The following SLC44A2 variants were observed in gnomAD, a reference collection of about 807,000 sequenced individuals.
SLC44A2 encodes solute carrier family 44 member 2 (CTL2 blood group), also known as choline transporter-like protein 2.
SLC44A2 carries 57 observed loss-of-function variants against 90.8 expected under a neutral mutation model. The ratio of observed to expected loss-of-function variants is 0.63; its 90% CI spans 0.51 to 0.78. The LOEUF is 0.78. Among genes scored for constraint, SLC44A2 ranks in the 30% least tolerant of loss-of-function variants. The pLI is 0.00. For missense variants in SLC44A2, 794 were observed against 919.7 expected, an observed-to-expected ratio of 0.86 and a Z score of 1.77; for synonymous variants, 355 against 360.7, an observed-to-expected ratio of 0.98 and a Z score of 0.18.
intron 1 of SLC44A2, among the ~76,000 whole-genome samples, chr19:10,613,899 G>A (rs1334044896): frequency 6.6e-6 from 1 of 152,086 alleles, no homozygotes; most frequent in Admixed American, 6.6e-5. Flanking sequence ...TTGTAGCCCA[G>A]TGAGATGCAT....
At chr19:10,602,466 A>AGCCT (rs2144792196), upstream of SLC44A2, 2 of 1,123,276 alleles carry the variant, frequency 1.8e-6, no homozygotes, top group East Asian at 4.4e-5. Context: ...CAGCCCGCGG[A>AGCCT]GCCTCCCGCC....
upstream of SLC44A2, among the ~76,000 whole-genome samples, chr19:10,622,200 CAGG>C (rs1280671503): frequency 6.6e-6 from 1 of 152,140 alleles, no homozygotes; most frequent in Admixed American, 6.6e-5. Context: ...GGGACGTACC[CAGG>C]AGGCCAGTGA....
In SLC44A2 at chr19:10,636,501, C is replaced by A. The variant is rs1223040546; in HGVS notation, c.1412C>A (p.Ala471Asp). Reference sequence around the variant, plus strand: ...CTGGGCCAGGTCACGCTGGCCGGGGCCTTTGCCTCCTACTACTGGGCCCTG... The same window carrying A: ...CTGGGCCAGGTCACGCTGGCCGGGGACTTTGCCTCCTACTACTGGGCCCTG... ...LALGQVTLAG[A>D]FASYYWALRK... The change falls in exon 15 of 22, where the codon GCC (alanine) becomes GAC (aspartate). Residue 471 changes from alanine (A) to aspartate (D), a missense_variant. This residue lies in a region of SLC44A2 where 738 missense variants were observed against 841.1 expected (regional missense o/e 0.88). Transcript: ENST00000335757. 2 of 1,612,472 alleles carry A rather than the reference C, an allele frequency of 1.2e-6. No individual in the cohort carries two copies. Among genetic ancestry groups the A allele is most frequent in the Non-Finnish European group, 1.7e-6 (2 of 1,180,020 alleles).
Position 10,636,534 on chromosome 19 carries a change from CG to C in SLC44A2, c.1447del (p.Asp483ThrfsTer38). ...FASYYWALRK[P>X]DDLPAFPLFS... ...TCCTACTACTGGGCCCTGCGCAAGC[CG>C]GACGACCTGCCGGCCTTCCCGCTCT... On this transcript the variant is annotated frameshift_variant, in exon 15 of 22. Coordinates refer to ENST00000335757, the MANE Select transcript of SLC44A2 (RefSeq NM_020428.4). LOFTEE classifies it high-confidence loss of function. The C allele has an allele frequency of 6.2e-7, 1 of 1,609,466 alleles. No individual in the cohort carries two copies. The highest frequency in any genetic ancestry group is 8.5e-7 in the Non-Finnish European group (1 of 1,179,362).
Position 10,636,487 on chromosome 19 carries a change from C to A in SLC44A2, c.1398C>A (p.Val466=). 1 of 1,613,252 alleles carries A rather than the reference C, an allele frequency of 6.2e-7. No individual in the cohort carries two copies. The highest frequency in any genetic ancestry group is 8.5e-7 in the Non-Finnish European group (1 of 1,180,010). Residue 466 remains valine (V), a synonymous_variant, in exon 15 of 22, where the codon GTC becomes GTA. Transcript: ENST00000335757. Reference sequence around the variant, plus strand: ...ACTTCGTGCTGGCGCTGGGCCAGGTCACGCTGGCCGGGGCCTTTGCCTCCT... The same window carrying A: ...ACTTCGTGCTGGCGCTGGGCCAGGTAACGCTGGCCGGGGCCTTTGCCTCCT... ...LANFVLALGQ[V]TLAGAFASYY...
At chr19:10,629,957 G>A (rs751883232) in intron 4 of SLC44A2, among the ~76,000 whole-genome samples, 1 of 150,252 alleles carries the variant, frequency 6.7e-6, no homozygotes, top group South Asian at 2.1e-4. Context: ...GTTTCGCCAC[G>A]TTGGCCAGGC....
chr19:10,635,262 G>GC lies in SLC44A2; in HGVS notation c.1148+12dup. On this transcript the variant is annotated splice_region_variant and intron_variant, in intron 13 of 21. Transcript: ENST00000335757. ...ACTGGGCCAGCACTGCTGTGTATCTGCCCCCAGACACTGATCTCTGACCCC... is the reference window on the plus strand; with the variant it reads ...ACTGGGCCAGCACTGCTGTGTATCTGCCCCCCAGACACTGATCTCTGACCCC... 6.2e-7 allele frequency: 1 copy of GC among 1,613,838 alleles called. No individual in the cohort carries two copies. The highest frequency in any genetic ancestry group is 8.5e-7 in the Non-Finnish European group (1 of 1,179,950).
intron 1 of SLC44A2, among the ~76,000 whole-genome samples, chr19:10,618,553 C>T (rs1433192155): frequency 7.8e-5 from 10 of 127,886 alleles, no homozygotes; most frequent in East Asian, 2.5e-4. Flanking sequence ...CATCTCGGCT[C>T]ACTGCAAGCT....
At chr19:10,630,702 G>A (rs1459715873) in intron 4 of SLC44A2, among the ~76,000 whole-genome samples, 3 of 149,920 alleles carry the variant, frequency 2.0e-5, no homozygotes, top group African/African-American at 7.4e-5. Context: ...TTTCTATAGG[G>A]TGGTTAAGAA....
rs554302600 is a variant in SLC44A2 at position 10,638,631 on chromosome 19, T to A, written c.1929+316T>A. 1.7e-3 allele frequency among the ~76,000 whole-genome samples: 255 copies of A among 151,750 alleles called. No homozygotes were observed. The Middle Eastern group carries it at 0.027, about 16-fold the overall frequency. ...GCCTAATTTTTGTATATTTATTTTT[T>A]AATTTTAATTTAATTTTTTTTTTGA... On this transcript the variant is annotated intron_variant, in intron 20 of 21. Coordinates refer to ENST00000335757, the MANE Select transcript of SLC44A2 (RefSeq NM_020428.4).
At chr19:10,630,657 T>TC (rs1705859713) in intron 4 of SLC44A2, among the ~76,000 whole-genome samples, 1 of 46,372 alleles carries the variant, frequency 2.2e-5, no homozygotes. Context: ...CAGGACTCCA[T>TC]CTAAAAAAAA....
intron 1 of SLC44A2, 59 bp downstream of exon 1, chr19:10,625,729 C>A: frequency 4.1e-6 from 5 of 1,213,838 alleles, no homozygotes; most frequent in Non-Finnish European, 5.2e-6. Flanking sequence ...CGGAGGGGGC[C>A]TTGAGAGAAC....
At position 10,636,689 on chromosome 19, in the gene SLC44A2, C is replaced by T; in HGVS notation, c.1524C>T (p.Gly508=). Residue 508 remains glycine, a synonymous_variant, in exon 16 of 22, where the codon GGC becomes GGT. Transcript: ENST00000335757. ...ACCACACAGGCTCCCTGGCCTTTGG[C>T]GCGCTCATCCTGGCCATTGTGCAGA... is the stretch of plus-strand genomic sequence containing the variant. The part of the protein sequence containing the change: ...LRYHTGSLAF[G]ALILAIVQII... 3 of 1,613,772 alleles carry T rather than the reference C, an allele frequency of 1.9e-6. No homozygotes were observed. The highest frequency in any genetic ancestry group is 2.5e-6 in the Non-Finnish European group (3 of 1,179,918).
Position 10,638,003 on chromosome 19 carries a change from C to T in SLC44A2, c.1770-20C>T. The T allele has an allele frequency of 6.2e-7, 1 of 1,614,108 alleles. No individual in the cohort carries two copies. Among genetic ancestry groups the T allele is most frequent in the Non-Finnish European group, 8.5e-7 (1 of 1,179,988 alleles). The stretch of plus-strand genomic sequence containing the variant: ...TCCCTGAAGCCAGCATTCACACCTG[C>T]CCCTCACTGTCCCCTGCAGAGTGGC... On this transcript the variant is annotated intron_variant, in intron 18 of 21. Coordinates refer to ENST00000335757, the MANE Select transcript of SLC44A2 (RefSeq NM_020428.4).
intron 1 of SLC44A2, among the ~76,000 whole-genome samples, chr19:10,618,511 G>A (rs1599235168): frequency 8.6e-6 from 1 of 116,016 alleles, no homozygotes; most frequent in Non-Finnish European, 1.7e-5. Flanking sequence ...ACGGAGTCGT[G>A]CTCTGTTGCC....
chr19:10,636,652 C>T lies in SLC44A2; in HGVS notation c.1497-10C>T, dbSNP rs770335667. 1.6e-5 allele frequency: 26 copies of T among 1,611,490 alleles called. No homozygotes were observed. Among genetic ancestry groups the T allele is most frequent in the African/African-American group, 4.0e-5 (3 of 74,712 alleles). On this transcript the variant is annotated splice_polypyrimidine_tract_variant and intron_variant, in intron 15 of 21. Transcript: ENST00000335757. ...CTGGCCCAGCCACCGACCACTCCCTCGGCCCGCAGGTACCACACAGGCTCC... is the reference window on the plus strand; with the variant it reads ...CTGGCCCAGCCACCGACCACTCCCTTGGCCCGCAGGTACCACACAGGCTCC...
chr19:10,635,732 C>A lies in SLC44A2; in HGVS notation c.1233+217C>A. ...GCTTCCTCTCTTCAACTTGACCAGG[C>A]CTTCACCCTGGGTGCTAAATCACCC... On this transcript the variant is annotated intron_variant, in intron 14 of 21. Coordinates refer to ENST00000335757, the MANE Select transcript of SLC44A2 (RefSeq NM_020428.4). The A allele has an allele frequency of 6.0e-6, 3 of 497,140 alleles. No homozygotes were observed. In the South Asian group the frequency reaches 8.3e-5, roughly 14 times the overall value. 30.8% of individuals were successfully genotyped at this position (497,140 alleles called of 1,614,324 possible). A position where few individuals can be genotyped will look rare whatever the true frequency, so the allele number is the denominator to read the frequency against.
rs183820698 is a variant in SLC44A2 at position 10,611,634 on chromosome 19, C to T, written c.31+9073C>T. ...AGGAGTTTGAGACTAGCCTGGGCAA[C>T]ATTGCAAAACCCCTTCTTCCCAAAA... On this transcript the variant is annotated intron_variant, in intron 1 of 21. Coordinates refer to the SLC44A2 transcript ENST00000407327. 2.0e-3 allele frequency among the ~76,000 whole-genome samples: 304 copies of T among 151,950 alleles called. 3 individuals are homozygous for T. Among genetic ancestry groups the T allele is most frequent in the Admixed American group, 0.019 (287 of 15,178 alleles).
intron 21 of SLC44A2, 198 bp from the exon 22 acceptor site, chr19:10,643,081 G>T: frequency 2.7e-6 from 4 of 1,457,764 alleles, no homozygotes; most frequent in South Asian, 1.4e-5. Flanking sequence ...TGCATGAAGC[G>T]GGGGGGTTCC....
Sources: allele counts gnomAD v4.1 joint callset (sites outside exome capture counted in the v4.1 genomes callset), GRCh38; gene constraint gnomAD v4.1.1; regional missense constraint gnomAD v4.1.1; transcripts MANE v1.5; gene names NCBI Gene and HGNC (gene_info 2026-07-23, HGNC 2026-07-21).